XKR9: variants seen among roughly 807,000 people sequenced by gnomAD.
XKR9 encodes XK-related protein 9.
In XKR9, 32 loss-of-function variants were observed where a neutral mutation model predicts 32.0. The observed-to-expected ratio is 1.00, with a 90% confidence interval of 0.76 to 1.34. XKR9 has a LOEUF of 1.34. XKR9 is among the 40% of genes most tolerant of loss of function. The pLI is 0.00. For missense variants in XKR9, 546 were observed against 429.7 expected, an observed-to-expected ratio of 1.27 and a Z score of -2.39; for synonymous variants, 168 against 143.4, an observed-to-expected ratio of 1.17 and a Z score of -1.22.
the XKR9 span, among the ~76,000 whole-genome samples, chr8:70,865,382 C>A: frequency 4.0e-5 from 6 of 150,886 alleles, no homozygotes; most frequent in Non-Finnish European, 8.8e-5. Flanking sequence ...TTTTTAAAAT[C>A]TAATTTAATG....
chr8:71,000,773 T>C, the XKR9 span, among the ~76,000 whole-genome samples: 1 of 152,224 alleles, frequency 6.6e-6, no homozygotes, highest in African/African-American at 2.4e-5. Flanking sequence ...TACAGTCAGC[T>C]GTACTCATGT....
chr8:70,697,223 G>T (rs1040427072), intron 3 of XKR9, among the ~76,000 whole-genome samples: 3 of 151,700 alleles, frequency 2.0e-5, no homozygotes, highest in Admixed American at 6.6e-5. Flanking sequence ...ACACTATGTT[G>T]AATAGGAGTA....
chr8:70,688,284 A>G (rs1819378036), intron 3 of XKR9, among the ~76,000 whole-genome samples: 1 of 152,220 alleles, frequency 6.6e-6, no homozygotes, highest in Admixed American at 6.5e-5. Context: ...TTGATGTGAC[A>G]AAATATGGGT....
the XKR9 span, among the ~76,000 whole-genome samples, chr8:70,908,305 G>C: frequency 6.6e-6 from 1 of 152,136 alleles, no homozygotes; most frequent in East Asian, 1.9e-4. Flanking sequence ...AGCCTCAAAA[G>C]TGTTTTTTTA....
chr8:70,891,253 T>C, the XKR9 span, among the ~76,000 whole-genome samples: 1 of 151,976 alleles, frequency 6.6e-6, no homozygotes, highest in Non-Finnish European at 1.5e-5. Flanking sequence ...AACTTTTTGT[T>C]TCATTGATCT....
At chr8:71,023,383 T>A in the XKR9 span, among the ~76,000 whole-genome samples, 4 of 152,178 alleles carry the variant, frequency 2.6e-5, no homozygotes, top group Admixed American at 2.6e-4. Context: ...ACACCATCGA[T>A]TGTGTTCGTG....
chr8:70,840,260 A>G, the XKR9 span, among the ~76,000 whole-genome samples: 4 of 152,176 alleles, frequency 2.6e-5, no homozygotes, highest in Non-Finnish European at 1.5e-5. Context: ...GTAACCTCCC[A>G]AAACTGGTTG....
At chr8:70,908,254 T>C in the XKR9 span, among the ~76,000 whole-genome samples, 15 of 152,156 alleles carry the variant, frequency 9.9e-5, no homozygotes, top group African/African-American at 3.6e-4. Context: ...AGGTACTGAG[T>C]ATACAGAAAG....
At chr8:70,759,685 T>G (rs2130204087) in intron 2 of XKR9, among the ~76,000 whole-genome samples, 1 of 152,330 alleles carries the variant, frequency 6.6e-6, no homozygotes, top group East Asian at 1.9e-4. Flanking sequence ...CTTGTTTTAA[T>G]TACCGTATTG....
At chr8:70,786,516 A>G (rs1807690331) in intron 2 of XKR9, among the ~76,000 whole-genome samples, 1 of 152,116 alleles carries the variant, frequency 6.6e-6, no homozygotes, top group East Asian at 1.9e-4. Context: ...CCCATTTATC[A>G]TTACATAATG....
the XKR9 span, among the ~76,000 whole-genome samples, chr8:70,987,688 C>G: frequency 1.3e-5 from 2 of 152,200 alleles, no homozygotes; most frequent in Non-Finnish European, 2.9e-5. Flanking sequence ...ATTCTGGGGT[C>G]TGGAGGATGG....
At chr8:71,004,998 CTTTTTTTTTTTT>C in the XKR9 span, among the ~76,000 whole-genome samples, 5 of 48,226 alleles carry the variant, frequency 1.0e-4, no homozygotes, top group African/African-American at 2.2e-4. Context: ...TTAATCTATG[CTTTTTTTTTTTT>C]TTTTTTTTTT....
chr8:70,820,868 T>A, the XKR9 span, among the ~76,000 whole-genome samples: 1 of 152,174 alleles, frequency 6.6e-6, no homozygotes, highest in Non-Finnish European at 1.5e-5. Context: ...TAATTCCTGA[T>A]AATATTTGGG....
chr8:70,764,327 C>G (rs62532105), intron 2 of XKR9, among the ~76,000 whole-genome samples: 1 of 152,132 alleles, frequency 6.6e-6, no homozygotes, highest in Non-Finnish European at 1.5e-5. Flanking sequence ...ACCTCTTTTA[C>G]TCTCAACATT....
chr8:70,856,518 A>G, the XKR9 span, among the ~76,000 whole-genome samples: 6 of 152,184 alleles, frequency 3.9e-5, no homozygotes, highest in African/African-American at 1.2e-4. Flanking sequence ...CCGCACAATA[A>G]TAATGGGAGA....
chr8:70,735,946 C>G (rs532083096), downstream of XKR9: 1 of 151,828 alleles, frequency 6.6e-6, no homozygotes, highest in Non-Finnish European at 1.5e-5. Context: ...GTCTTTATAG[C>G]AGCATGATTT....
At chr8:70,705,730 C>T (rs2132173970) in intron 3 of XKR9, among the ~76,000 whole-genome samples, 1 of 152,152 alleles carries the variant, frequency 6.6e-6, no homozygotes, top group Middle Eastern at 3.4e-3. Flanking sequence ...CATTTTCTAC[C>T]CCAATGAGTA....
chr8:70,725,487 GA>G (rs34227400), intron 4 of XKR9, among the ~76,000 whole-genome samples: 48,380 of 151,974 alleles, frequency 0.32, 9,055 homozygotes, highest in Non-Finnish European at 0.43. Flanking sequence ...TAGAAGAGTT[GA>G]TAGTGATTTC....
chr8:70,867,595 G>C, the XKR9 span, among the ~76,000 whole-genome samples: 1 of 152,164 alleles, frequency 6.6e-6, no homozygotes, highest in African/African-American at 2.4e-5. Flanking sequence ...GGGATTACAG[G>C]CTTGCACCAC....
Sources: allele counts gnomAD v4.1 joint callset (sites outside exome capture counted in the v4.1 genomes callset), GRCh38; gene constraint gnomAD v4.1.1; transcripts MANE v1.5; gene names NCBI Gene and HGNC (gene_info 2026-07-23, HGNC 2026-07-21).